NEGR1: variants seen among roughly 807,000 people sequenced by gnomAD.
NEGR1 encodes neuronal growth regulator 1, also known as IgLON family member 4.
In NEGR1, 10 loss-of-function variants were observed where a neutral mutation model predicts 40.9. The ratio of observed to expected loss-of-function variants is 0.24; its 90% CI spans 0.15 to 0.42. NEGR1 has a LOEUF of 0.42. Among genes scored for constraint, NEGR1 ranks in the 10% least tolerant of loss-of-function variants. The pLI, the probability that NEGR1 is intolerant of heterozygous loss-of-function variation, is 1.00. For synonymous variants in NEGR1, 185 were observed against 166.8 expected, an observed-to-expected ratio of 1.11 and a Z score of -0.84; for missense variants, 352 against 438.9, an observed-to-expected ratio of 0.80 and a Z score of 1.77.
chr1:71,838,984 A>G (rs1659139023), intron 2 of NEGR1, among the ~76,000 whole-genome samples: 1 of 152,096 alleles, frequency 6.6e-6, no homozygotes, highest in Non-Finnish European at 1.5e-5. Flanking sequence ...ACAGGAATGA[A>G]CTTGAAGTTC....
intron 1 of NEGR1, among the ~76,000 whole-genome samples, chr1:72,272,721 A>G (rs887951515): frequency 3.3e-5 from 5 of 151,966 alleles, no homozygotes; most frequent in Non-Finnish European, 5.9e-5. Context: ...ACATACGCTA[A>G]TACACACACA....
chr1:72,128,743 T>C (rs1033757464), intron 1 of NEGR1, among the ~76,000 whole-genome samples: 2 of 152,186 alleles, frequency 1.3e-5, no homozygotes, highest in African/African-American at 4.8e-5. Flanking sequence ...GCCCAATATT[T>C]GGTTAACATT....
intron 4 of NEGR1, among the ~76,000 whole-genome samples, chr1:71,641,566 C>T (rs1651352505): frequency 6.6e-6 from 1 of 151,938 alleles, no homozygotes; most frequent in African/African-American, 2.4e-5. Flanking sequence ...GGGAGAGGCA[C>T]ATTCATTCCA....
At chr1:71,668,111 T>C (rs748241288) in intron 4 of NEGR1, among the ~76,000 whole-genome samples, 4 of 152,208 alleles carry the variant, frequency 2.6e-5, no homozygotes, top group East Asian at 1.9e-4. Flanking sequence ...ATTATTTTCA[T>C]TGGGTTTAAC....
chr1:71,536,914 A>G (rs1271420482), intron 6 of NEGR1, among the ~76,000 whole-genome samples: 1 of 151,726 alleles, frequency 6.6e-6, no homozygotes, highest in Non-Finnish European at 1.5e-5. Flanking sequence ...AAATAATGAT[A>G]TTTTATTACT....
rs148278408 is a variant in NEGR1 at position 72,256,299 on chromosome 1, A to G, written c.176+26020T>C. Among the ~76,000 whole-genome samples the G allele has an allele frequency of 6.6e-5, 10 of 150,460 alleles. 1 individual carries two copies. In the East Asian group the frequency reaches 1.5e-3, roughly 23 times the overall value. On this transcript the variant is annotated intron_variant, in intron 1 of 6. Coordinates refer to ENST00000357731, the MANE Select transcript of NEGR1 (RefSeq NM_173808.3). ...CAGGATATCATCAAGAAATATCACA[A>G]AAGTGTTGACACAATGCTCATCCAG...
At chr1:71,589,625 TTATC>T (rs1334350022) in intron 6 of NEGR1, among the ~76,000 whole-genome samples, 6 of 152,130 alleles carry the variant, frequency 3.9e-5, no homozygotes, top group African/African-American at 1.4e-4. Context: ...ACATTAGCAG[TTATC>T]TAGATCCTTG....
chr1:71,457,389 C>T (rs1184003937), intron 6 of NEGR1, among the ~76,000 whole-genome samples: 1 of 152,222 alleles, frequency 6.6e-6, no homozygotes, highest in Non-Finnish European at 1.5e-5. Context: ...CAGCTCTGTC[C>T]TACATGAACT....
chr1:72,033,574 A>C (rs1247514928), intron 1 of NEGR1, among the ~76,000 whole-genome samples: 1 of 152,210 alleles, frequency 6.6e-6, no homozygotes, highest in Non-Finnish European at 1.5e-5. Context: ...CATTTTAAAC[A>C]TATTAACATA....
chr1:72,137,280 T>C (rs1199231388), intron 1 of NEGR1, among the ~76,000 whole-genome samples: 1 of 152,134 alleles, frequency 6.6e-6, no homozygotes, highest in Non-Finnish European at 1.5e-5. Context: ...CATTCCACTG[T>C]AAAGACACAT....
intron 6 of NEGR1, among the ~76,000 whole-genome samples, chr1:71,582,207 G>A (rs1225044995): frequency 6.6e-6 from 1 of 152,070 alleles, no homozygotes; most frequent in East Asian, 1.9e-4. Context: ...GTTTTGTGAG[G>A]AGGGTAGATA....
intron 1 of NEGR1, among the ~76,000 whole-genome samples, chr1:72,212,214 AT>A (rs1307426238): frequency 4.0e-5 from 6 of 150,064 alleles, no homozygotes; most frequent in Non-Finnish European, 5.9e-5. Context: ...GTTAAACTTT[AT>A]CAATTGATGT....
chr1:71,761,627 T>C (rs1557642475), intron 3 of NEGR1, among the ~76,000 whole-genome samples: 1 of 152,164 alleles, frequency 6.6e-6, no homozygotes, highest in Non-Finnish European at 1.5e-5. Context: ...TTTCCAAATA[T>C]TGCTATGTGG....
intron 6 of NEGR1, among the ~76,000 whole-genome samples, chr1:71,430,430 T>G (rs1260870989): frequency 6.6e-6 from 1 of 152,164 alleles, no homozygotes; most frequent in East Asian, 1.9e-4. Flanking sequence ...TCTCTCTTGC[T>G]TTTATGTAAA....
intron 1 of NEGR1, among the ~76,000 whole-genome samples, chr1:72,257,879 T>A (rs1167188641): frequency 6.6e-6 from 1 of 152,190 alleles, no homozygotes; most frequent in African/African-American, 2.4e-5. Context: ...TTCCCCCAGA[T>A]AAATCTCTGA....
intron 2 of NEGR1, among the ~76,000 whole-genome samples, chr1:71,856,031 C>T (rs895112759): frequency 3.9e-5 from 6 of 152,180 alleles, no homozygotes; most frequent in Middle Eastern, 3.4e-3. Flanking sequence ...ATGTAGGCAA[C>T]ACTTCTTAAT....
chr1:72,126,168 G>C (rs1042253442), intron 1 of NEGR1, among the ~76,000 whole-genome samples: 1 of 147,230 alleles, frequency 6.8e-6, no homozygotes, highest in Admixed American at 6.9e-5. Flanking sequence ...ACGGAGAGAG[G>C]GAGAGAGAAC....
chr1:71,758,622 T>G (rs2101696538), intron 3 of NEGR1, among the ~76,000 whole-genome samples: 1 of 152,256 alleles, frequency 6.6e-6, no homozygotes, highest in African/African-American at 2.4e-5. Context: ...GTTGCACAAT[T>G]AATATTCCAT....
chr1:72,115,213 T>A (rs188374711), intron 1 of NEGR1, among the ~76,000 whole-genome samples: 12 of 151,168 alleles, frequency 7.9e-5, no homozygotes, highest in South Asian at 4.2e-4. Flanking sequence ...ATATATATAT[T>A]TTTTCATTTA....
Sources: allele counts gnomAD v4.1 joint callset (sites outside exome capture counted in the v4.1 genomes callset), GRCh38; gene constraint gnomAD v4.1.1; transcripts MANE v1.5; gene names NCBI Gene and HGNC (gene_info 2026-07-23, HGNC 2026-07-21).